Variants in HEATR4 observed in about 807,000 individuals in gnomAD.
HEATR4 encodes HEAT repeat containing 4.
In HEATR4, 95 loss-of-function variants were observed where a neutral mutation model predicts 108.8. The observed-to-expected ratio is 0.87, with a 90% CI of 0.74 to 1.04. HEATR4 has a LOEUF of 1.04. Among genes scored for constraint, HEATR4 ranks in the 50% least tolerant of loss-of-function variants. The probability of loss-of-function intolerance (pLI) is 0.00; values close to 1 mark genes in which losing one functional copy is unlikely to be tolerated. For synonymous variants in HEATR4, 443 were observed against 459.4 expected (o/e 0.96, Z 0.46); for missense variants, 1,152 against 1,253.8 (o/e 0.92, Z 1.23).
intron 17 of HEATR4, among the ~76,000 whole-genome samples, chr14:73,486,510 C>T (rs557225255): frequency 1.3e-5 from 2 of 151,878 alleles, no homozygotes; most frequent in Admixed American, 1.3e-4. Flanking sequence ...CCAGCTTGAC[C>T]AACATGGCGA....
rs1332502418 is a variant in HEATR4, at chr14:73,518,998, C to A, written c.1210+25G>T. The A allele has an allele frequency of 3.1e-6, 5 of 1,600,958 alleles. No homozygotes were observed. The Admixed American group carries it at 6.8e-5, about 22-fold the overall frequency. On this transcript the variant is annotated intron_variant, in intron 5 of 17. Coordinates refer to ENST00000553558, the MANE Select transcript of HEATR4 (RefSeq NM_001220484.1). ...GCCACATTCCCGTTATTAACCCCTG[C>A]CTTCCCTGTTAGCTTCCTGCTTACA...
In HEATR4 at chr14:73,542,267, G is replaced by A. The variant is rs1438386547; in HGVS notation, c.-151-12023C>T. On this transcript the variant is annotated intron_variant, in intron 1 of 17. Coordinates refer to ENST00000553558, the MANE Select transcript of HEATR4 (RefSeq NM_001220484.1). Reference sequence around the variant, plus strand: ...CCCACCTCGGCCTCCCAGAGTGCTGGAATTACAGGCATGAGCCACCACACC... The same window carrying A: ...CCCACCTCGGCCTCCCAGAGTGCTGAAATTACAGGCATGAGCCACCACACC... Among the ~76,000 whole-genome samples the A allele has an allele frequency of 1.8e-5, 2 of 109,512 alleles. 1 individual carries two copies. The highest frequency in any genetic ancestry group is 3.9e-5 in the Non-Finnish European group (2 of 51,112). 71.8% of individuals were successfully genotyped at this position (109,512 alleles called of 152,430 possible). A position where few individuals can be genotyped will look rare whatever the true frequency, so the allele number is the denominator to read the frequency against.
At chr14:73,524,310 A>AAAAAAAATATAT in intron 2 of HEATR4, among the ~76,000 whole-genome samples, 5 of 54,776 alleles carry the variant, frequency 9.1e-5, no homozygotes, top group African/African-American at 2.6e-4. Flanking sequence ...AAAAAAAAAA[A>AAAAAAAATATAT]ATATATATAT....
rs141137854 is a variant in HEATR4, at chr14:73,500,698, C to T, written c.2138G>A (p.Arg713His). ...ACCTATCAGGTAGAGAGCTTCCACA[C>T]GCTCCTGGGAATTTCCTTGACCTAG... ...VKLGQGNSQE[R>H]VEALYLIGEL... is the part of the protein sequence containing the mutation. Residue 713 changes from arginine to histidine, a missense_variant, in exon 12 of 18, where the codon CGT becomes CAT. Transcript: ENST00000553558. 3.4e-5 allele frequency: 55 copies of T among 1,613,898 alleles called. No individual in the cohort carries two copies. Among genetic ancestry groups the T allele is most frequent in the Middle Eastern group, 1.6e-4 (1 of 6,080 alleles).
chr14:73,633,534 A>C, the HEATR4 span: 1 of 152,252 alleles, frequency 6.6e-6, no homozygotes, highest in African/African-American at 2.4e-5. Flanking sequence ...GACAAAGATT[A>C]CTTAAAACGG....
the HEATR4 span, among the ~76,000 whole-genome samples, chr14:73,620,557 T>C: frequency 6.6e-6 from 1 of 152,000 alleles, no homozygotes; most frequent in Non-Finnish European, 1.5e-5. Flanking sequence ...CCTTAAGGAA[T>C]GGACTCTGCC....
chr14:73,560,447 G>A (rs1374723133), upstream of HEATR4, among the ~76,000 whole-genome samples: 1 of 151,890 alleles, frequency 6.6e-6, no homozygotes, highest in Non-Finnish European at 1.5e-5. Context: ...CGGATCACGA[G>A]GTCAGGAGAT....
chr14:73,607,291 CAGAG>C, the HEATR4 span, among the ~76,000 whole-genome samples: 1 of 152,146 alleles, frequency 6.6e-6, no homozygotes, highest in Non-Finnish European at 1.5e-5. Flanking sequence ...GTCTGGGTGA[CAGAG>C]AGAGACTCAG....
chr14:73,583,572 A>C, the HEATR4 span, among the ~76,000 whole-genome samples: 2 of 152,122 alleles, frequency 1.3e-5, no homozygotes, highest in East Asian at 3.9e-4. Flanking sequence ...TTGCCTCTCT[A>C]AACTGAAAAT....
the HEATR4 span, chr14:73,612,484 C>G: frequency 1.1e-6 from 1 of 925,486 alleles, no homozygotes; most frequent in Non-Finnish European, 1.5e-6. Context: ...GGGCTCCGCC[C>G]TCGACTACTT....
chr14:73,513,491 C>T (rs976475836), intron 6 of HEATR4, among the ~76,000 whole-genome samples: 4 of 151,254 alleles, frequency 2.6e-5, no homozygotes, highest in African/African-American at 4.9e-5. Flanking sequence ...GCGCGGTGGC[C>T]AAGGCGGGCA....
the HEATR4 span, among the ~76,000 whole-genome samples, chr14:73,624,705 A>G: frequency 6.6e-6 from 1 of 152,214 alleles, no homozygotes; most frequent in African/African-American, 2.4e-5. Flanking sequence ...TCTACAGCAG[A>G]CGTAAATCCC....
the HEATR4 span, among the ~76,000 whole-genome samples, chr14:73,599,291 A>C: frequency 1.3e-5 from 2 of 151,994 alleles, no homozygotes; most frequent in African/African-American, 2.4e-5. Context: ...AGCAAAATAG[A>C]TTGTTTTTGT....
intron 17 of HEATR4, among the ~76,000 whole-genome samples, chr14:73,481,370 G>T (rs2333142): frequency 0.14 from 21,762 of 152,012 alleles, 2,245 homozygotes; most frequent in Non-Finnish European, 0.21. Flanking sequence ...ACCCGGGAGT[G>T]AGATATTGCA....
chr14:73,557,713 CAG>C (rs1380556396), intron 1 of HEATR4, among the ~76,000 whole-genome samples: 1 of 63,500 alleles, frequency 1.6e-5, no homozygotes, highest in African/African-American at 5.7e-5. Flanking sequence ...ATGTTTGAGA[CAG>C]GGCCTCACTC....
the HEATR4 span, among the ~76,000 whole-genome samples, chr14:73,587,126 C>T: frequency 8.4e-6 from 1 of 119,124 alleles, no homozygotes; most frequent in African/African-American, 3.5e-5. Flanking sequence ...GATTCCCTGC[C>T]TGGTGTAAAA....
rs113592135 is a variant in HEATR4, at chr14:73,551,897, C to T, written c.-152+6854G>A. Among the ~76,000 whole-genome samples, 193 of 109,198 alleles carry T rather than the reference C, an allele frequency of 1.8e-3. 38 individuals are homozygous for T. The highest frequency in any genetic ancestry group is 3.7e-3 in the African/African-American group (123 of 32,914). 71.6% of individuals were successfully genotyped at this position (109,198 alleles called of 152,430 possible). A position where few individuals can be genotyped will look rare whatever the true frequency, so the allele number is the denominator to read the frequency against. ...AAGGGAAGAAAGCCTCAGATGGGCACGTATACAACTTCCTACACACACTGT... is the reference window on the plus strand; with the variant it reads ...AAGGGAAGAAAGCCTCAGATGGGCATGTATACAACTTCCTACACACACTGT... On this transcript the variant is annotated intron_variant, in intron 1 of 17. Transcript: ENST00000553558.
At chr14:73,570,424 C>T in the HEATR4 span, among the ~76,000 whole-genome samples, 1 of 151,878 alleles carries the variant, frequency 6.6e-6, no homozygotes, top group African/African-American at 2.4e-5. Context: ...AAAACAGTAG[C>T]TGGGCGTAGT....
intron 8 of HEATR4, 41 bp from the exon 9 acceptor site, chr14:73,508,335 G>C: frequency 6.3e-7 from 1 of 1,597,812 alleles, no homozygotes; most frequent in Non-Finnish European, 8.6e-7. Flanking sequence ...ATGGTGATGT[G>C]TTTTCCCCCT....
Sources: allele counts gnomAD v4.1 joint callset (sites outside exome capture counted in the v4.1 genomes callset), GRCh38; gene constraint gnomAD v4.1.1; transcripts MANE v1.5; gene names NCBI Gene and HGNC (gene_info 2026-07-23, HGNC 2026-07-21).